DNM3: variants seen among roughly 807,000 people sequenced by gnomAD.
DNM3 encodes the protein dynamin 3.
Under a neutral mutation model 101.6 loss-of-function variants are expected in DNM3, and 47 were observed. The ratio of observed to expected loss-of-function variants is 0.46; its 90% confidence interval spans 0.37 to 0.59. DNM3 has a LOEUF of 0.59. Among genes scored for constraint, DNM3 ranks in the 20% least tolerant of loss-of-function variants. The pLI, the probability that DNM3 is intolerant of heterozygous loss-of-function variation, is 0.00. For synonymous variants in DNM3, 385 were observed against 387.9 expected (o/e 0.99, Z 0.09); for missense variants, 849 against 1,085.7 (o/e 0.78, Z 3.06).
intron 4 of DNM3, among the ~76,000 whole-genome samples, chr1:172,003,102 C>T (rs1284003957): frequency 2.6e-5 from 4 of 151,694 alleles, no homozygotes; most frequent in Non-Finnish European, 5.9e-5. Flanking sequence ...AATTTAATTG[C>T]CAATTAGTAA....
chr1:171,901,735 T>C (rs1558237674), intron 1 of DNM3, among the ~76,000 whole-genome samples: 3 of 152,200 alleles, frequency 2.0e-5, no homozygotes. Flanking sequence ...CATCAAGAAA[T>C]GTTTAAATAC....
intron 14 of DNM3, among the ~76,000 whole-genome samples, chr1:172,232,183 G>A (rs1175669919): frequency 1.3e-5 from 2 of 152,106 alleles, no homozygotes; most frequent in African/African-American, 4.8e-5. Flanking sequence ...AAAATAAAGG[G>A]ATGGAGGAAG....
chr1:172,289,128 G>A (rs1220525943), intron 15 of DNM3, among the ~76,000 whole-genome samples: 5 of 152,070 alleles, frequency 3.3e-5, no homozygotes, highest in Non-Finnish European at 7.4e-5. Context: ...AAGTAAGCTT[G>A]GGAAGTCCTG....
At chr1:172,292,578 G>T (rs1310123207) in intron 15 of DNM3, among the ~76,000 whole-genome samples, 1 of 148,744 alleles carries the variant, frequency 6.7e-6, no homozygotes, top group Admixed American at 6.8e-5. Context: ...TGGCTGAAGG[G>T]TTGGCTTAGA....
chr1:172,063,855 G>A (rs1488865549), intron 10 of DNM3, among the ~76,000 whole-genome samples: 2 of 151,264 alleles, frequency 1.3e-5, no homozygotes, highest in South Asian at 4.2e-4. Context: ...TATAATAAAT[G>A]TATAGCTTTG....
At chr1:171,873,083 T>C (rs1465117463) in intron 1 of DNM3, among the ~76,000 whole-genome samples, 1 of 152,198 alleles carries the variant, frequency 6.6e-6, no homozygotes, top group Non-Finnish European at 1.5e-5. Context: ...ATTTGTAAGA[T>C]ATAAAGGTGT....
chr1:172,368,151 A>G (rs1034932607), intron 17 of DNM3, among the ~76,000 whole-genome samples: 2 of 151,948 alleles, frequency 1.3e-5, no homozygotes, highest in Non-Finnish European at 2.9e-5. Context: ...AGAACATTCT[A>G]TGCAATAGCT....
At chr1:172,090,799 T>C (rs1004610455) in intron 12 of DNM3, among the ~76,000 whole-genome samples, 18 of 152,196 alleles carry the variant, frequency 1.2e-4, no homozygotes, top group Admixed American at 2.6e-4. Context: ...AAGTGTGGTG[T>C]TGATTTCTAA....
chr1:172,353,333 T>G (rs2067280420), intron 17 of DNM3, among the ~76,000 whole-genome samples: 1 of 152,190 alleles, frequency 6.6e-6, no homozygotes, highest in South Asian at 2.1e-4. Context: ...GTCCTAAGGT[T>G]TATGCCAGTC....
At chr1:171,856,565 G>A (rs1004084761) in intron 1 of DNM3, among the ~76,000 whole-genome samples, 1 of 152,008 alleles carries the variant, frequency 6.6e-6, no homozygotes, top group South Asian at 2.1e-4. Context: ...GTATTTTGTA[G>A]TTCTCATTGT....
intron 9 of DNM3, among the ~76,000 whole-genome samples, chr1:172,047,399 GC>G (rs1210503259): frequency 2.6e-5 from 4 of 152,126 alleles, no homozygotes; most frequent in African/African-American, 7.2e-5. Flanking sequence ...TTGCATCTGG[GC>G]TTTAAAGCAC....
At chr1:172,121,509 C>A (rs899906858) in intron 13 of DNM3, among the ~76,000 whole-genome samples, 1 of 152,178 alleles carries the variant, frequency 6.6e-6, no homozygotes, top group Non-Finnish European at 1.5e-5. Context: ...GTTTTGGAAG[C>A]GAAGCTCAGT....
At chr1:172,146,886 A>G (rs1459481941) in intron 14 of DNM3, among the ~76,000 whole-genome samples, 1 of 152,158 alleles carries the variant, frequency 6.6e-6, no homozygotes, top group Non-Finnish European at 1.5e-5. Context: ...CTTAGTCTGT[A>G]CATCTATATG....
intron 10 of DNM3, 39 bp from the exon 11 acceptor site, chr1:172,068,780 T>G (rs376745059): frequency 1.0e-5 from 15 of 1,497,446 alleles, no homozygotes; most frequent in African/African-American, 1.4e-5. Context: ...GTAGTGTAAC[T>G]TTTTGAGTAT....
At chr1:171,975,951 G>A (rs112764405) in intron 2 of DNM3, among the ~76,000 whole-genome samples, 10 of 152,072 alleles carry the variant, frequency 6.6e-5, no homozygotes, top group African/African-American at 2.4e-4. Flanking sequence ...TTCAGCCTGG[G>A]CAACTTAGCA....
At chr1:172,191,301 G>C (rs1002510629) in intron 14 of DNM3, among the ~76,000 whole-genome samples, 34 of 152,126 alleles carry the variant, frequency 2.2e-4, no homozygotes, top group African/African-American at 7.0e-4. Flanking sequence ...GTTTTTGTGA[G>C]GTTTGTCAAA....
At chr1:172,374,517 T>C (rs1282318357) in intron 17 of DNM3, among the ~76,000 whole-genome samples, 2 of 152,090 alleles carry the variant, frequency 1.3e-5, no homozygotes, top group African/African-American at 4.8e-5. Flanking sequence ...GTGTGGTTTT[T>C]TTGGTTGCTT....
downstream of DNM3, among the ~76,000 whole-genome samples, chr1:172,415,783 G>A (rs2071408760): frequency 6.6e-6 from 1 of 152,056 alleles, no homozygotes; most frequent in South Asian, 2.1e-4. Flanking sequence ...GCCCACCTCA[G>A]CTTCCCAAAG....
chr1:172,179,044 A>G (rs2059254833), intron 14 of DNM3, among the ~76,000 whole-genome samples: 1 of 151,992 alleles, frequency 6.6e-6, no homozygotes, highest in Non-Finnish European at 1.5e-5. Context: ...ATCTGTGTGT[A>G]CTTTGAATGA....
Sources: gnomAD v4.1 joint callset for allele counts (sites outside exome capture counted in the v4.1 genomes callset) on GRCh38, gnomAD v4.1.1 for gene constraint, MANE v1.5 for transcripts, NCBI Gene and HGNC (gene_info 2026-07-23, HGNC 2026-07-21) for gene names.